RPS6KC1: variants seen among roughly 807,000 people sequenced by gnomAD.
RPS6KC1 encodes inactive ribosomal protein S6 kinase delta-1.
RPS6KC1 carries 54 observed loss-of-function variants against 103.8 expected under a neutral mutation model. The ratio of observed to expected loss-of-function variants is 0.52; its 90% CI spans 0.42 to 0.65. RPS6KC1 has a LOEUF of 0.65. Ranked by LOEUF, RPS6KC1 falls within the 30% of genes least tolerant of loss-of-function variation. The pLI, the probability that RPS6KC1 is intolerant of heterozygous loss-of-function variation, is 0.00. For synonymous variants in RPS6KC1, 439 were observed against 438.7 expected (o/e 1.00, Z -0.01); for missense variants, 1,151 against 1,253.8 (o/e 0.92, Z 1.24).
At chr1:213,186,061 CTT>C (rs2092514021) in intron 8 of RPS6KC1, among the ~76,000 whole-genome samples, 1 of 151,072 alleles carries the variant, frequency 6.6e-6, no homozygotes, top group South Asian at 2.1e-4. Context: ...AGTTGTCTCA[CTT>C]TTCATTTTCT....
chr1:213,701,728 T>G, the RPS6KC1 span, among the ~76,000 whole-genome samples: 35 of 152,164 alleles, frequency 2.3e-4, no homozygotes, highest in African/African-American at 7.7e-4. Context: ...CACTAATGAT[T>G]CTTTGAATTT....
the RPS6KC1 span, among the ~76,000 whole-genome samples, chr1:213,364,428 C>T: frequency 6.6e-6 from 1 of 152,128 alleles, no homozygotes; most frequent in Non-Finnish European, 1.5e-5. Flanking sequence ...GTACTTTACC[C>T]TCTGGGCAGA....
the RPS6KC1 span, among the ~76,000 whole-genome samples, chr1:213,390,453 T>C: frequency 6.6e-6 from 1 of 152,262 alleles, no homozygotes; most frequent in Admixed American, 6.5e-5. Context: ...TCTGGGGCTA[T>C]AAAAGCTGCT....
At chr1:213,824,428 C>A in the RPS6KC1 span, among the ~76,000 whole-genome samples, 278 of 152,298 alleles carry the variant, frequency 1.8e-3, no homozygotes, top group African/African-American at 6.5e-3. Context: ...AACCCCCTCA[C>A]CTGAGAGGTA....
chr1:213,480,367 T>A, the RPS6KC1 span, among the ~76,000 whole-genome samples: 2 of 152,130 alleles, frequency 1.3e-5, no homozygotes, highest in Non-Finnish European at 2.9e-5. Context: ...GTTAAGATTC[T>A]GTGCATTTTT....
At chr1:213,204,470 C>G (rs1475572184) in intron 8 of RPS6KC1, among the ~76,000 whole-genome samples, 1 of 151,870 alleles carries the variant, frequency 6.6e-6, no homozygotes, top group African/African-American at 2.4e-5. Flanking sequence ...GTTGGTATTC[C>G]TGAAAAATCT....
At chr1:213,479,600 A>C in the RPS6KC1 span, among the ~76,000 whole-genome samples, 1 of 151,876 alleles carries the variant, frequency 6.6e-6, no homozygotes, top group South Asian at 2.1e-4. Context: ...TTTGAATATG[A>C]CTTTTTGTTG....
chr1:213,315,728 C>A, the RPS6KC1 span, among the ~76,000 whole-genome samples: 3 of 152,192 alleles, frequency 2.0e-5, no homozygotes, highest in Non-Finnish European at 4.4e-5. Flanking sequence ...CTGCCCCCCA[C>A]GGGCTTGTAC....
At chr1:213,554,217 G>A in the RPS6KC1 span, among the ~76,000 whole-genome samples, 1 of 152,086 alleles carries the variant, frequency 6.6e-6, no homozygotes, top group South Asian at 2.1e-4. Context: ...TGAAAGACAG[G>A]GATCTAGTTT....
At chr1:213,124,811 C>T (rs1011642297) in intron 5 of RPS6KC1, among the ~76,000 whole-genome samples, 12 of 151,714 alleles carry the variant, frequency 7.9e-5, no homozygotes, top group Non-Finnish European at 1.2e-4. Flanking sequence ...ATTGTGTGGT[C>T]GAGGAGATAT....
At chr1:213,837,935 T>A in the RPS6KC1 span, among the ~76,000 whole-genome samples, 1 of 152,194 alleles carries the variant, frequency 6.6e-6, no homozygotes, top group African/African-American at 2.4e-5. Context: ...TTATGTGCAC[T>A]CAGTCAAAAT....
At chr1:213,735,867 C>A in the RPS6KC1 span, among the ~76,000 whole-genome samples, 12 of 152,304 alleles carry the variant, frequency 7.9e-5, no homozygotes, top group Admixed American at 6.5e-4. Flanking sequence ...GTTTTTAAAA[C>A]CTGATTCTCT....
chr1:213,669,344 C>T, the RPS6KC1 span, among the ~76,000 whole-genome samples: 3 of 151,966 alleles, frequency 2.0e-5, no homozygotes, highest in South Asian at 2.1e-4. Context: ...AGGACTGAGG[C>T]GAGGGGAGAG....
downstream of RPS6KC1, among the ~76,000 whole-genome samples, chr1:213,278,614 TCTCTTCATCCC>T (rs575858233): frequency 1.6e-3 from 246 of 152,346 alleles, 1 homozygote; most frequent in Middle Eastern, 3.4e-3. Context: ...TTCTTCTTTC[TCTCTTCATCCC>T]CTCTTCATCC....
chr1:213,267,185 G>C (rs1008750640), intron 14 of RPS6KC1, among the ~76,000 whole-genome samples: 2 of 151,896 alleles, frequency 1.3e-5, no homozygotes, highest in African/African-American at 4.8e-5. Flanking sequence ...CGTTGGCAGA[G>C]AACAGAAGCT....
chr1:213,798,703 C>A, the RPS6KC1 span, among the ~76,000 whole-genome samples: 1 of 152,160 alleles, frequency 6.6e-6, no homozygotes, highest in Admixed American at 6.5e-5. Flanking sequence ...ATATCCTATA[C>A]AGGTTCATTT....
chr1:213,234,178 T>C (rs1042022132), intron 10 of RPS6KC1, among the ~76,000 whole-genome samples: 1 of 151,874 alleles, frequency 6.6e-6, no homozygotes, highest in African/African-American at 2.4e-5. Flanking sequence ...TCTGGCTAAG[T>C]TTTAAAATTT....
the RPS6KC1 span, among the ~76,000 whole-genome samples, chr1:213,564,446 A>G: frequency 6.6e-6 from 1 of 152,212 alleles, no homozygotes. Flanking sequence ...AAGAAGGAAG[A>G]GGGAACTTTG....
At chr1:213,818,066 G>T in the RPS6KC1 span, 1 of 152,178 alleles carries the variant, frequency 6.6e-6, no homozygotes, top group African/African-American at 2.4e-5. Context: ...AAATAAACGT[G>T]TGTGTTCTGC....
Sources: allele counts gnomAD v4.1 joint callset (sites outside exome capture counted in the v4.1 genomes callset), GRCh38; gene constraint gnomAD v4.1.1; transcripts MANE v1.5; gene names NCBI Gene and HGNC (gene_info 2026-07-23, HGNC 2026-07-21).